TAFA4: variants seen among roughly 807,000 people sequenced by gnomAD.
TAFA4 encodes the protein chemokine-like protein TAFA-4.
A neutral mutation model predicts 21.1 loss-of-function variants in TAFA4; 20 were observed. That is an observed-to-expected ratio of 0.95 (90% CI 0.67 to 1.38). The LOEUF (loss-of-function observed/expected upper bound fraction) is 1.38, where lower values mean the gene tolerates loss of function less well. Among genes scored for constraint, TAFA4 ranks in the 40% most tolerant of loss-of-function variants. The pLI, the probability that TAFA4 is intolerant of heterozygous loss-of-function variation, is 0.00. For synonymous variants in TAFA4, 71 were observed against 67.4 expected (o/e 1.05, Z -0.26); for missense variants, 211 against 180.9 (o/e 1.17, Z -0.95).
In TAFA4 at chr3:68,771,026, A is replaced by G. The variant is rs573865641; in HGVS notation, c.131-18008T>C. Among the ~76,000 whole-genome samples the G allele has an allele frequency of 1.4e-4, 22 of 152,242 alleles. No individual in the cohort carries two copies. The South Asian group carries it at 4.4e-3, about 30-fold the overall frequency. ...CAACAGCAGAACGACTCGGACACCA[A>G]GGGGAGTTTGGCTGGGGGCGGTTGA... On this transcript the variant is annotated intron_variant, in intron 3 of 5. Coordinates refer to ENST00000295569, the MANE Select transcript of TAFA4 (RefSeq NM_182522.5).
At chr3:68,826,922 C>T (rs1169952682) in intron 3 of TAFA4, among the ~76,000 whole-genome samples, 1 of 152,130 alleles carries the variant, frequency 6.6e-6, no homozygotes. Flanking sequence ...TACTAGGGTA[C>T]ATGTGCACAA....
chr3:68,765,978 G>A (rs2106774505), intron 3 of TAFA4, among the ~76,000 whole-genome samples: 1 of 152,188 alleles, frequency 6.6e-6, no homozygotes, highest in East Asian at 1.9e-4. Flanking sequence ...TATTCAGAGA[G>A]TCCATGCTTC....
At chr3:68,751,860 G>T (rs1297006690) in intron 4 of TAFA4, among the ~76,000 whole-genome samples, 1 of 152,294 alleles carries the variant, frequency 6.6e-6, no homozygotes, top group East Asian at 1.9e-4. Context: ...TATGAGCAAA[G>T]TCTGAATTCA....
chr3:68,750,032 G>T (rs1702532101), intron 4 of TAFA4, among the ~76,000 whole-genome samples: 1 of 152,208 alleles, frequency 6.6e-6, no homozygotes, highest in Admixed American at 6.5e-5. Flanking sequence ...CTGCTCAGAT[G>T]CTCCAGGACT....
chr3:68,921,841 T>C (rs2090063716), intron 1 of TAFA4, among the ~76,000 whole-genome samples: 1 of 152,230 alleles, frequency 6.6e-6, no homozygotes, highest in African/African-American at 2.4e-5. Context: ...GGCAATAGGC[T>C]GGTTACATGC....
chr3:68,912,036 C>T (rs557641797), intron 1 of TAFA4, among the ~76,000 whole-genome samples: 15 of 152,250 alleles, frequency 9.9e-5, no homozygotes, highest in African/African-American at 3.4e-4. Context: ...TCTTTGGGTC[C>T]GAGCTCACAG....
intron 3 of TAFA4, among the ~76,000 whole-genome samples, chr3:68,824,034 A>T (rs1228150299): frequency 6.6e-6 from 1 of 152,224 alleles, no homozygotes; most frequent in Non-Finnish European, 1.5e-5. Context: ...TCCATGACTC[A>T]GAGAAAGAAC....
intron 1 of TAFA4, among the ~76,000 whole-genome samples, chr3:68,926,795 C>T (rs1306993900): frequency 6.6e-6 from 1 of 152,064 alleles, no homozygotes; most frequent in Non-Finnish European, 1.5e-5. Flanking sequence ...CCTGTAATCC[C>T]AGCTACTAAG....
At chr3:68,903,302 G>GA (rs951607647) in intron 1 of TAFA4, among the ~76,000 whole-genome samples, 71 of 150,470 alleles carry the variant, frequency 4.7e-4, no homozygotes, top group East Asian at 5.8e-4. Context: ...ACCGGGATGA[G>GA]AAAAAAAAAT....
intron 3 of TAFA4, among the ~76,000 whole-genome samples, chr3:68,830,899 T>G (rs763988712): frequency 1.3e-5 from 2 of 152,252 alleles, no homozygotes; most frequent in Non-Finnish European, 2.9e-5. Flanking sequence ...ATATTTAGGA[T>G]AGTTAGCTCT....
At chr3:68,926,741 G>A (rs547976107) in intron 1 of TAFA4, among the ~76,000 whole-genome samples, 6 of 151,988 alleles carry the variant, frequency 3.9e-5, no homozygotes, top group East Asian at 1.9e-4. Flanking sequence ...GGTGAAACCC[G>A]TCTCTATAAA....
At chr3:68,860,141 C>T (rs2089314716) in intron 3 of TAFA4, among the ~76,000 whole-genome samples, 2 of 152,084 alleles carry the variant, frequency 1.3e-5, no homozygotes, top group South Asian at 2.1e-4. Context: ...TTCCTTTCCC[C>T]TTGAAATAGT....
intron 4 of TAFA4, among the ~76,000 whole-genome samples, chr3:68,750,890 C>A (rs1006947479): frequency 6.6e-6 from 1 of 152,048 alleles, no homozygotes; most frequent in Non-Finnish European, 1.5e-5. Flanking sequence ...TGTTTGTGGG[C>A]CAGCCAATGG....
intron 3 of TAFA4, among the ~76,000 whole-genome samples, chr3:68,835,605 A>G (rs1423456600): frequency 1.3e-5 from 2 of 152,242 alleles, no homozygotes; most frequent in Non-Finnish European, 2.9e-5. Context: ...GAGCAGAGAA[A>G]GATGTTTTTG....
chr3:68,863,256 T>C (rs778946697), intron 3 of TAFA4, among the ~76,000 whole-genome samples: 65 of 151,774 alleles, frequency 4.3e-4, no homozygotes, highest in Non-Finnish European at 7.1e-4. Flanking sequence ...AAAAAAAAGA[T>C]AGAAAAATAA....
intron 3 of TAFA4, among the ~76,000 whole-genome samples, chr3:68,768,254 A>G (rs892475216): frequency 9.2e-5 from 14 of 152,290 alleles, no homozygotes; most frequent in Middle Eastern, 3.4e-3. Flanking sequence ...ACTCAACTCA[A>G]TAGTAAAAAA....
chr3:68,883,303 T>A (rs977945702), intron 2 of TAFA4, among the ~76,000 whole-genome samples: 2 of 152,366 alleles, frequency 1.3e-5, no homozygotes, highest in South Asian at 4.1e-4. Flanking sequence ...GCCCTTCATG[T>A]CTTTGCCACA....
At chr3:68,929,051 AG>A (rs1466712420) in intron 1 of TAFA4, among the ~76,000 whole-genome samples, 1 of 152,012 alleles carries the variant, frequency 6.6e-6, no homozygotes, top group Non-Finnish European at 1.5e-5. Context: ...ACTGTACAAC[AG>A]GAAGAATTTC....
At chr3:68,758,216 G>A (rs144035112) in intron 3 of TAFA4, among the ~76,000 whole-genome samples, 67 of 152,250 alleles carry the variant, frequency 4.4e-4, no homozygotes. Flanking sequence ...TTTTCAATTT[G>A]ATGACAGTGT....
Sources: allele counts gnomAD v4.1 joint callset (sites outside exome capture counted in the v4.1 genomes callset), GRCh38; gene constraint gnomAD v4.1.1; transcripts MANE v1.5; gene names NCBI Gene and HGNC (gene_info 2026-07-23, HGNC 2026-07-21).